The following GSK3B variants were observed in gnomAD, a reference collection of about 807,000 sequenced individuals.
The protein encoded by GSK3B is glycogen synthase kinase-3 beta.
A neutral mutation model predicts 56.4 loss-of-function variants in GSK3B; 15 were observed. The observed-to-expected ratio is 0.27, with a 90% CI of 0.18 to 0.41. The LOEUF (loss-of-function observed/expected upper bound fraction) is 0.41, where lower values mean the gene tolerates loss of function less well. GSK3B is among the 10% of genes least tolerant of loss of function. The pLI, the probability that GSK3B is intolerant of heterozygous loss-of-function variation, is 1.00. For missense variants in GSK3B, 300 were observed against 513.4 expected, an observed-to-expected ratio of 0.58 and a Z score of 4.02; for synonymous variants, 181 against 188.9, an observed-to-expected ratio of 0.96 and a Z score of 0.34.
rs1163745545 is a variant in GSK3B at position 119,839,833 on chromosome 3, CTAGTT to C, written c.1195+3417_1195+3421del. Among the ~76,000 whole-genome samples, 7 of 152,080 alleles carry C rather than the reference CTAGTT, an allele frequency of 4.6e-5. No homozygotes were observed. The East Asian group carries it at 1.3e-3, about 29-fold the overall frequency. ...CACTGATTTAAATCAAGTATGACAA[CTAGTT>C]TAGTTACTTAGGGGTTCATATTATA... On this transcript the variant is annotated intron_variant, in intron 10 of 10. Transcript: ENST00000264235.
At chr3:120,062,780 G>T (rs1206487068) in intron 1 of GSK3B, among the ~76,000 whole-genome samples, 2 of 152,192 alleles carry the variant, frequency 1.3e-5, no homozygotes, top group South Asian at 2.1e-4. Context: ...ACTGTATCTG[G>T]ATTTACTTTT....
intron 2 of GSK3B, 56 bp downstream of exon 2, chr3:120,001,990 T>C (rs753435158): frequency 2.8e-5 from 31 of 1,103,024 alleles, no homozygotes; most frequent in South Asian, 1.1e-4. Context: ...AAAATAATCA[T>C]TTATGGTATA....
intron 1 of GSK3B, among the ~76,000 whole-genome samples, chr3:120,076,662 A>G (rs1213911462): frequency 6.6e-6 from 1 of 151,418 alleles, no homozygotes; most frequent in African/African-American, 2.4e-5. Flanking sequence ...AAAAATACAA[A>G]AATTAGCCGG....
chr3:120,039,406 C>A (rs1200407255), intron 1 of GSK3B, among the ~76,000 whole-genome samples: 1 of 152,202 alleles, frequency 6.6e-6, no homozygotes, highest in African/African-American at 2.4e-5. Context: ...CTGAATTTCT[C>A]TTCAAAGGTT....
At chr3:120,018,134 T>C (rs1375921126) in intron 1 of GSK3B, among the ~76,000 whole-genome samples, 1 of 152,172 alleles carries the variant, frequency 6.6e-6, no homozygotes, top group Non-Finnish European at 1.5e-5. Flanking sequence ...CATTATCTCA[T>C]TTGATCCAAG....
intron 1 of GSK3B, among the ~76,000 whole-genome samples, chr3:120,051,208 G>T (rs1281458604): frequency 6.6e-6 from 1 of 150,928 alleles, no homozygotes; most frequent in East Asian, 1.9e-4. Flanking sequence ...AACTGAATAG[G>T]CTGGTTTACA....
chr3:120,005,517 C>T (rs955174569), intron 1 of GSK3B, among the ~76,000 whole-genome samples: 7 of 152,124 alleles, frequency 4.6e-5, no homozygotes, highest in Admixed American at 3.3e-4. Context: ...ATGTTAAGGG[C>T]AGCCAGAGAA....
chr3:119,866,738 G>C, intron 8 of GSK3B: 1 of 701,402 alleles, frequency 1.4e-6, no homozygotes, highest in Non-Finnish European at 2.5e-6. Context: ...ATGGTGTGGG[G>C]GGGGACATAG....
Position 120,048,808 on chromosome 3 carries a change from A to G in GSK3B, c.88+44539T>C, listed in dbSNP as rs2058124366. Among the ~76,000 whole-genome samples the G allele has an allele frequency of 2.6e-5, 4 of 152,342 alleles. No homozygotes were observed. In the South Asian group the frequency reaches 8.3e-4, roughly 32 times the overall value. ...TCTGCTCCCATTTATACCCAGAATA[A>G]CAGTACTTTTAGTATGACTCTGCCC... is the stretch of plus-strand genomic sequence containing the variant. On this transcript the variant is annotated intron_variant, in intron 1 of 10. Coordinates refer to ENST00000264235, the MANE Select transcript of GSK3B (RefSeq NM_001146156.2).
At chr3:120,090,035 A>G (rs2058497500) in intron 1 of GSK3B, among the ~76,000 whole-genome samples, 1 of 152,202 alleles carries the variant, frequency 6.6e-6, no homozygotes, top group Admixed American at 6.5e-5. Context: ...TCTTAGATAA[A>G]TTTTGCATTT....
At chr3:119,893,855 A>C (rs1429099194) in intron 7 of GSK3B, among the ~76,000 whole-genome samples, 2 of 151,062 alleles carry the variant, frequency 1.3e-5, no homozygotes, top group South Asian at 4.2e-4. Flanking sequence ...TTACAGATAG[A>C]TGTGCTCACT....
rs571053713 is a variant in GSK3B at position 119,915,402 on chromosome 3, A to G, written c.608+642T>C. Among the ~76,000 whole-genome samples the G allele has an allele frequency of 2.0e-5, 3 of 152,248 alleles. No individual in the cohort carries two copies. The South Asian group carries it at 6.2e-4, about 32-fold the overall frequency. ...GTATATATACCTAATGTAAATTCAA[A>G]CAATACTAAAATACAATCAATGAAA... On this transcript the variant is annotated intron_variant, in intron 5 of 10. Transcript: ENST00000264235.
chr3:119,917,673 A>T (rs5028245), intron 4 of GSK3B, among the ~76,000 whole-genome samples: 18 of 145,088 alleles, frequency 1.2e-4, no homozygotes, highest in East Asian at 5.9e-4. Context: ...TTTTTTTTTA[A>T]AAAAAAAAAG....
At position 119,825,375 on chromosome 3, in the gene GSK3B, T is replaced by G. The variant is rs1012734252; in HGVS notation, c.*1413A>C. 1.3e-5 allele frequency: 3 copies of G among 230,664 alleles called. No homozygotes were observed. The highest frequency in any genetic ancestry group is 6.6e-5 in the African/African-American group (3 of 45,190). 14.3% of individuals were successfully genotyped at this position (230,664 alleles called of 1,614,324 possible). A position where few individuals can be genotyped will look rare whatever the true frequency, so the allele number is the denominator to read the frequency against. The stretch of plus-strand genomic sequence containing the variant: ...CAAAAAGAGAGACTGATTCTTAACA[T>G]CGTTCACTGATACACAAAGAAAACA... On this transcript the variant is annotated 3_prime_UTR_variant, in exon 11 of 11. Coordinates refer to ENST00000264235, the MANE Select transcript of GSK3B (RefSeq NM_001146156.2).
chr3:119,977,730 C>G (rs1246876218), intron 2 of GSK3B, among the ~76,000 whole-genome samples: 2 of 151,998 alleles, frequency 1.3e-5, no homozygotes, highest in South Asian at 4.2e-4. Flanking sequence ...TAATTAGGTG[C>G]CTGAAAACAG....
intron 4 of GSK3B, among the ~76,000 whole-genome samples, chr3:119,918,193 G>C (rs2056800791): frequency 6.6e-6 from 1 of 151,924 alleles, no homozygotes; most frequent in African/African-American, 2.4e-5. Context: ...GGTGGAGGCC[G>C]GGCGCGGTGG....
At chr3:119,988,148 C>A (rs903314420) in intron 2 of GSK3B, among the ~76,000 whole-genome samples, 1 of 152,096 alleles carries the variant, frequency 6.6e-6, no homozygotes, top group Non-Finnish European at 1.5e-5. Flanking sequence ...AGAGGAAAAA[C>A]GTTCAGGACT....
intron 5 of GSK3B, among the ~76,000 whole-genome samples, chr3:119,915,570 C>T (rs1007679489): frequency 8.6e-5 from 13 of 151,996 alleles, no homozygotes; most frequent in Non-Finnish European, 1.3e-4. Flanking sequence ...TATATAGTCA[C>T]ATTCTGTATG....
chr3:120,083,984 T>C (rs779452697), intron 1 of GSK3B, among the ~76,000 whole-genome samples: 1 of 152,134 alleles, frequency 6.6e-6, no homozygotes, highest in Non-Finnish European at 1.5e-5. Flanking sequence ...AAGGGGAACA[T>C]AGGGAATGGC....
Sources: allele counts gnomAD v4.1 joint callset (sites outside exome capture counted in the v4.1 genomes callset), GRCh38; gene constraint gnomAD v4.1.1; transcripts MANE v1.5; gene names NCBI Gene and HGNC (gene_info 2026-07-23, HGNC 2026-07-21).